Variants in TMEM204 observed in about 807,000 individuals in gnomAD.
TMEM204 encodes transmembrane protein 204.
TMEM204 carries 15 observed loss-of-function variants against 19.4 expected under a neutral mutation model. The observed-to-expected ratio is 0.77, with a 90% CI of 0.52 to 1.19. The LOEUF is 1.19. Among genes scored for constraint, TMEM204 ranks in the 50% most tolerant of loss-of-function variants. The pLI, the probability that TMEM204 is intolerant of heterozygous loss-of-function variation, is 0.00. For synonymous variants in TMEM204, 161 were observed against 146.0 expected, an observed-to-expected ratio of 1.10 and a Z score of -0.74; for missense variants, 287 against 321.2, an observed-to-expected ratio of 0.89 and a Z score of 0.81.
At chr16:1,536,224 C>T (rs1392782103) in intron 1 of TMEM204, among the ~76,000 whole-genome samples, 1 of 152,254 alleles carries the variant, frequency 6.6e-6, no homozygotes, top group African/African-American at 2.4e-5. Flanking sequence ...CTTGGCGCCC[C>T]TCCCTGTTGC....
At chr16:1,530,718 C>T (rs148442983), upstream of TMEM204, 3 of 151,488 alleles carry the variant, frequency 2.0e-5, no homozygotes, top group South Asian at 2.1e-4. Flanking sequence ...GGAGAGAGCC[C>T]GCCCGTGGGG....
intron 2 of TMEM204, among the ~76,000 whole-genome samples, chr16:1,544,223 A>T (rs555891149): frequency 2.5e-4 from 36 of 143,432 alleles, no homozygotes; most frequent in Admixed American, 1.5e-3. Flanking sequence ...TCACTCTGTC[A>T]CCCAGGCTGG....
chr16:1,540,864 T>C, intron 1 of TMEM204: 3 of 985,456 alleles, frequency 3.0e-6, no homozygotes, highest in Non-Finnish European at 3.6e-6. Flanking sequence ...GGCTAGGGAC[T>C]CTGTGGGGCT....
chr16:1,549,582 C>A (rs1476575622), intron 2 of TMEM204, among the ~76,000 whole-genome samples: 3 of 152,246 alleles, frequency 2.0e-5, no homozygotes, highest in Non-Finnish European at 4.4e-5. Context: ...CAGGTGCCCG[C>A]CACCACGCCC....
chr16:1,543,094 C>T (rs561589198), intron 2 of TMEM204, among the ~76,000 whole-genome samples: 15 of 152,368 alleles, frequency 9.8e-5, no homozygotes, highest in Middle Eastern at 3.4e-3. Flanking sequence ...CTGCTGCTCA[C>T]TGGGACAGGT....
In TMEM204 at chr16:1,553,470, C is replaced by T; in HGVS notation, c.437-1312C>T. 1 of 985,438 alleles carries T rather than the reference C, an allele frequency of 1.0e-6. No individual in the cohort carries two copies. Among genetic ancestry groups the T allele is most frequent in the Non-Finnish European group, 1.2e-6 (1 of 829,938 alleles). The allele number at this position is 985,438 out of a possible 1,614,324, so 61.0% of individuals were successfully genotyped here. On this transcript the variant is annotated intron_variant, in intron 2 of 2. Transcript: ENST00000566264. This position sits in a 1 kb window ranked among gnomAD's most constrained non-coding sequence, Gnocchi z 4.4. ...GACGCACAGGTGTCAACATGCAGGC[C>T]AGGCGGAGGGACAGCAGTGGGGCTC...
chr16:1,541,122 C>T lies in TMEM204; in HGVS notation c.281-799C>T, dbSNP rs1239960837. 16 of 985,330 alleles carry T rather than the reference C, an allele frequency of 1.6e-5. No individual in the cohort carries two copies. In the South Asian group the frequency reaches 4.7e-4, roughly 29 times the overall value. 61.0% of individuals were successfully genotyped at this position (985,330 alleles called of 1,614,324 possible). A position where few individuals can be genotyped will look rare whatever the true frequency, so the allele number is the denominator to read the frequency against. On this transcript the variant is annotated intron_variant, in intron 1 of 2. Transcript: ENST00000566264. ...AGAAGGCTCCATCTGCCCCTGACCACGCATCCATGTGCCCTGCCCACCTGG... is the reference window on the plus strand; with the variant it reads ...AGAAGGCTCCATCTGCCCCTGACCATGCATCCATGTGCCCTGCCCACCTGG...
intron 2 of TMEM204, chr16:1,554,232 C>T: frequency 1.3e-6 from 1 of 772,708 alleles, no homozygotes; most frequent in Non-Finnish European, 1.8e-6. Context: ...AAGCAAAGGC[C>T]AAGAGCAAGA....
At position 1,554,936 on chromosome 16, in the gene TMEM204, C is replaced by T; in HGVS notation, c.591C>T (p.Cys197=). The T allele has an allele frequency of 6.2e-7, 1 of 1,614,174 alleles. No homozygotes were observed. Residue 197 remains cysteine, a synonymous_variant, in exon 3 of 3, where the codon TGC becomes TGT. Transcript: ENST00000566264. ...ACATTCTCCACAAGAGGGAGGACTG[C>T]ATGGCCCCCCGGGTGATTGTCATCA... ...IWNILHKRED[C]MAPRVIVISR...
intron 2 of TMEM204, among the ~76,000 whole-genome samples, chr16:1,552,605 A>G (rs2032746482): frequency 6.6e-6 from 1 of 151,624 alleles, no homozygotes; most frequent in Admixed American, 6.6e-5. Context: ...ACTGGTAGAA[A>G]TGCCAGAAGT....
intron 2 of TMEM204, among the ~76,000 whole-genome samples, chr16:1,550,042 ACCTCCTGGGCTCAG>A (rs2032505131): frequency 6.6e-6 from 1 of 151,624 alleles, no homozygotes; most frequent in Non-Finnish European, 1.5e-5. Flanking sequence ...TGCAGACTCG[ACCTCCTGGGCTCAG>A]CCTCCTGAAT....
At chr16:1,538,007 G>A (rs1471997864) in intron 1 of TMEM204, among the ~76,000 whole-genome samples, 1 of 152,230 alleles carries the variant, frequency 6.6e-6, no homozygotes, top group Non-Finnish European at 1.5e-5. Context: ...AAAGTCAGCT[G>A]CTACCACGCA....
At chr16:1,529,893 G>A (rs891579645), upstream of TMEM204, among the ~76,000 whole-genome samples, 1 of 152,100 alleles carries the variant, frequency 6.6e-6, no homozygotes, top group African/African-American at 2.4e-5. Context: ...TGCAGTGCAG[G>A]GGTCACATCT....
chr16:1,539,218 C>T (rs375053520), intron 1 of TMEM204, among the ~76,000 whole-genome samples: 2 of 150,218 alleles, frequency 1.3e-5, no homozygotes, highest in African/African-American at 2.5e-5. Flanking sequence ...GTGCCAACGC[C>T]GACCCAAGCC....
chr16:1,542,467 C>G (rs1027800246), intron 2 of TMEM204, among the ~76,000 whole-genome samples: 3 of 152,206 alleles, frequency 2.0e-5, no homozygotes, highest in Non-Finnish European at 4.4e-5. Flanking sequence ...TGGGGAGCAG[C>G]CCCTGGGCAG....
At position 1,542,039 on chromosome 16, in the gene TMEM204, C is replaced by T. The variant is rs377593023; in HGVS notation, c.399C>T (p.Cys133=). 2.4e-5 allele frequency: 38 copies of T among 1,610,858 alleles called. No homozygotes were observed. Among genetic ancestry groups the T allele is most frequent in the Non-Finnish European group, 2.9e-5 (34 of 1,179,340 alleles). ...GLPLLSPDAP[C]WEEAMAAAFQ... ...CCCTGCTGTCACCCGACGCCCCGTG[C>T]TGGGAGGAGGCCATGGCCGCTGCAT... Residue 133 remains cysteine, a synonymous_variant, in exon 2 of 3, where the codon TGC becomes TGT. Transcript: ENST00000566264.
At chr16:1,547,251 C>T (rs1026163499) in intron 2 of TMEM204, among the ~76,000 whole-genome samples, 2 of 152,210 alleles carry the variant, frequency 1.3e-5, no homozygotes, top group African/African-American at 4.8e-5. Flanking sequence ...CTAGAAAGGG[C>T]ACCATGGATG....
At chr16:1,537,243 C>T (rs891919683) in intron 1 of TMEM204, among the ~76,000 whole-genome samples, 4 of 151,800 alleles carry the variant, frequency 2.6e-5, no homozygotes, top group Non-Finnish European at 5.9e-5. Context: ...AAGACAACGC[C>T]ACACCGCGTG....
chr16:1,549,687 C>T (rs1196889890), intron 2 of TMEM204, among the ~76,000 whole-genome samples: 2 of 152,192 alleles, frequency 1.3e-5, no homozygotes, highest in Admixed American at 1.3e-4. Flanking sequence ...CTGCCTCGGC[C>T]TCCCAAAGTG....
Sources: allele counts gnomAD v4.1 joint callset (sites outside exome capture counted in the v4.1 genomes callset), GRCh38; gene constraint gnomAD v4.1.1; non-coding constraint Gnocchi (gnomAD v3.1); transcripts MANE v1.5; gene names NCBI Gene and HGNC (gene_info 2026-07-23, HGNC 2026-07-21).